Variants in TMX3 observed in about 807,000 individuals in gnomAD.
TMX3 encodes the protein thioredoxin related transmembrane protein 3.
A neutral mutation model predicts 64.4 loss-of-function variants in TMX3; 40 were observed. The observed-to-expected ratio is 0.62, with a 90% CI of 0.48 to 0.81. TMX3 has a LOEUF of 0.81. TMX3 is among the 30% of genes least tolerant of loss of function. The pLI is 0.00. For missense variants in TMX3, 497 were observed against 534.5 expected (o/e 0.93, Z 0.69); for synonymous variants, 189 against 175.7 (o/e 1.08, Z -0.60).
At chr18:68,689,331 G>A (rs1914279868) in intron 9 of TMX3, among the ~76,000 whole-genome samples, 1 of 151,332 alleles carries the variant, frequency 6.6e-6, no homozygotes, top group Non-Finnish European at 1.5e-5. Context: ...TCCTAGGCAG[G>A]CTCAAAAACC....
Position 68,697,855 on chromosome 18 carries a change from G to A in TMX3, c.492+77C>T, listed in dbSNP as rs549970221. The A allele has an allele frequency of 7.2e-5, 64 of 884,424 alleles. 1 individual carries two copies. Among genetic ancestry groups the A allele is most frequent in the South Asian group, 6.5e-4 (42 of 65,086 alleles). The allele number at this position is 884,424 out of a possible 1,614,324, so 54.8% of individuals were successfully genotyped here. ...GTAAGTGCAGAGTAATAAGTTCTGC[G>A]TTTCTAGTGAAGTCTTGATTATAGA... On this transcript the variant is annotated intron_variant, in intron 7 of 15. Coordinates refer to ENST00000299608, the MANE Select transcript of TMX3 (RefSeq NM_019022.5).
chr18:68,695,376 C>T (rs1231618466), intron 8 of TMX3, among the ~76,000 whole-genome samples: 10 of 152,194 alleles, frequency 6.6e-5, no homozygotes, highest in Admixed American at 6.5e-4. Flanking sequence ...AATTGCTTCC[C>T]ATGTCTGGGA....
At position 68,676,842 on chromosome 18, in the gene TMX3, T is replaced by C; in HGVS notation, c.*91A>G. 4 of 1,469,588 alleles carry C rather than the reference T, an allele frequency of 2.7e-6. No individual in the cohort carries two copies. Among genetic ancestry groups the C allele is most frequent in the Non-Finnish European group, 3.6e-6 (4 of 1,098,442 alleles). 91.0% of individuals were successfully genotyped at this position (1,469,588 alleles called of 1,614,324 possible). On this transcript the variant is annotated 3_prime_UTR_variant, in exon 16 of 16. Coordinates refer to ENST00000299608, the MANE Select transcript of TMX3 (RefSeq NM_019022.5). ...AGCAAAATACGAATAACATGTTCTT[T>C]TCTGTAAAGATCATGATTAAATGTC...
Position 68,677,068 on chromosome 18 carries a change from A to T in TMX3, c.1230T>A (p.Tyr410Ter). Residue 410 changes from tyrosine (Y) to a stop codon, truncating the protein, a stop_gained, in exon 16 of 16, where the codon TAT becomes TAA. Transcript: ENST00000299608. LOFTEE classifies it low-confidence loss of function (END_TRUNC). ...TTTCATTTTCACTTTTAGACACTTCATATCGTTCTTCTATATAACCTCCAT... is the reference window on the plus strand; with the variant it reads ...TTTCATTTTCACTTTTAGACACTTCTTATCGTTCTTCTATATAACCTCCAT... ...DTDGGYIEERYEVSKSENENQ... is the reference protein window; with the variant it reads ...DTDGGYIEER 1 of 1,613,828 alleles carries T rather than the reference A, an allele frequency of 6.2e-7. No homozygotes were observed. The highest frequency in any genetic ancestry group is 8.5e-7 in the Non-Finnish European group (1 of 1,179,814).
At chr18:68,692,744 A>T (rs1268344265) in intron 8 of TMX3, among the ~76,000 whole-genome samples, 6 of 152,252 alleles carry the variant, frequency 3.9e-5, no homozygotes, top group Non-Finnish European at 1.5e-5. Context: ...TTTCAGGAAT[A>T]AAGAATGCCT....
At chr18:68,707,997 GTATATATA>G (rs374196560) in intron 4 of TMX3, among the ~76,000 whole-genome samples, 1 of 147,592 alleles carries the variant, frequency 6.8e-6, no homozygotes, top group South Asian at 2.1e-4. Flanking sequence ...GTATATATGT[GTATATATA>G]TGTGTATATG....
At chr18:68,677,217 A>C in intron 15 of TMX3, 24 bp from the exon 16 acceptor site, 2 of 1,601,652 alleles carry the variant, frequency 1.2e-6, no homozygotes, top group Non-Finnish European at 1.7e-6. Context: ...ATTAAAACTC[A>C]GTTCCCTTCA....
intron 4 of TMX3, among the ~76,000 whole-genome samples, chr18:68,702,494 A>T (rs542523511): frequency 3.3e-4 from 51 of 152,292 alleles, no homozygotes; most frequent in African/African-American, 1.2e-3. Context: ...GGGAAATAAG[A>T]CCTTAAACAG....
At chr18:68,709,250 G>A (rs561028638) in intron 4 of TMX3, among the ~76,000 whole-genome samples, 1 of 152,248 alleles carries the variant, frequency 6.6e-6, no homozygotes, top group African/African-American at 2.4e-5. Flanking sequence ...TCTGCTCTCT[G>A]AAAGCCATGC....
intron 8 of TMX3, among the ~76,000 whole-genome samples, chr18:68,696,451 C>T (rs534921701): frequency 4.2e-4 from 64 of 151,916 alleles, no homozygotes; most frequent in South Asian, 2.9e-3. Context: ...GGATTACAAG[C>T]GTAAGCCACT....
intron 9 of TMX3, chr18:68,688,827 C>T (rs1599308296): frequency 6.6e-6 from 1 of 152,122 alleles, no homozygotes; most frequent in Admixed American, 6.5e-5. Flanking sequence ...CCAAATATCG[C>T]AAGTTCTCAT....
At chr18:68,677,758 C>T (rs1378883372) in intron 15 of TMX3, among the ~76,000 whole-genome samples, 1 of 152,082 alleles carries the variant, frequency 6.6e-6, no homozygotes, top group Non-Finnish European at 1.5e-5. Context: ...CTAGAATATA[C>T]TGCATGAATT....
chr18:68,714,555 C>G (rs1167302790), intron 1 of TMX3: 1 of 304,494 alleles, frequency 3.3e-6, no homozygotes, highest in African/African-American at 2.3e-5. Flanking sequence ...TGGTAAAAAT[C>G]CTTAAACGTG....
chr18:68,710,782 GA>G (rs1283076574), intron 3 of TMX3, among the ~76,000 whole-genome samples: 1 of 152,176 alleles, frequency 6.6e-6, no homozygotes, highest in Non-Finnish European at 1.5e-5. Context: ...TTTATACTAT[GA>G]AAATGTTCAA....
chr18:68,712,811 T>C (rs1194892967), intron 2 of TMX3, among the ~76,000 whole-genome samples: 2 of 152,092 alleles, frequency 1.3e-5, no homozygotes, highest in Non-Finnish European at 2.9e-5. Flanking sequence ...CCCAACAGCA[T>C]GAGCAGCGAA....
At chr18:68,686,734 A>G (rs1914000073) in intron 10 of TMX3, 1 of 985,070 alleles carries the variant, frequency 1.0e-6, no homozygotes, top group Admixed American at 6.2e-5. Context: ...AAGTAAAACC[A>G]CAGTCTTTGA....
intron 2 of TMX3, among the ~76,000 whole-genome samples, chr18:68,712,117 C>T (rs1233925635): frequency 6.6e-6 from 1 of 152,130 alleles, no homozygotes; most frequent in African/African-American, 2.4e-5. Flanking sequence ...CTTAAGGTAA[C>T]TGAACAGGAA....
At position 68,691,361 on chromosome 18, in the gene TMX3, A is replaced by G; in HGVS notation, c.571T>C (p.Tyr191His). 6 of 1,506,324 alleles carry G rather than the reference A, an allele frequency of 4.0e-6. No individual in the cohort carries two copies. The highest frequency in any genetic ancestry group is 5.3e-6 in the Non-Finnish European group (6 of 1,122,124). 93.3% of individuals were successfully genotyped at this position (1,506,324 alleles called of 1,614,324 possible). ...FSASEEVVPE[Y>H]VTLKEMPAVL... ...GCTGGCATCTCTTTTAGTGTCACAT[A>G]CTGCAAAAAATCAGAAGTTTAAATA... Residue 191 changes from tyrosine (Y) to histidine (H), a missense_variant and splice_region_variant, in exon 9 of 16, where the codon TAT (tyrosine) becomes CAT (histidine). Physicochemically the swap from Tyr to His is moderately conservative, Grantham distance 83. This residue lies in a region of TMX3 where 360 missense variants were observed against 383.5 expected (regional missense o/e 0.94). Coordinates refer to ENST00000299608, the MANE Select transcript of TMX3 (RefSeq NM_019022.5).
At chr18:68,706,712 G>A (rs1307493276) in intron 4 of TMX3, among the ~76,000 whole-genome samples, 2 of 152,168 alleles carry the variant, frequency 1.3e-5, no homozygotes, top group African/African-American at 2.4e-5. Context: ...AACAATGGCA[G>A]ATGACTTGAA....
Sources: gnomAD v4.1 joint callset for allele counts (sites outside exome capture counted in the v4.1 genomes callset) on GRCh38, gnomAD v4.1.1 for gene constraint, gnomAD v4.1.1 regional missense constraint, MANE v1.5 for transcripts, NCBI Gene and HGNC (gene_info 2026-07-23, HGNC 2026-07-21) for gene names.